The following ASXL2 variants were observed in gnomAD, a reference collection of about 807,000 sequenced individuals.
ASXL2 encodes putative Polycomb group protein ASXL2.
In ASXL2, 23 loss-of-function variants were observed where a neutral mutation model predicts 122.0. The ratio of observed to expected loss-of-function variants is 0.19; its 90% confidence interval spans 0.14 to 0.27. The LOEUF is 0.27. Among genes scored for constraint, ASXL2 ranks in the 10% least tolerant of loss-of-function variants. The pLI is 1.00. For synonymous variants in ASXL2, 650 were observed against 637.0 expected (o/e 1.02, Z -0.31); for missense variants, 1,518 against 1,713.8 (o/e 0.89, Z 2.02).
chr2:25,829,609 T>C (rs1248701268), intron 3 of ASXL2, among the ~76,000 whole-genome samples: 2 of 152,246 alleles, frequency 1.3e-5, no homozygotes, highest in African/African-American at 4.8e-5. Flanking sequence ...GCCATTTATA[T>C]TGAGATTCAG....
At chr2:25,847,048 T>C (rs2089658083) in intron 1 of ASXL2, among the ~76,000 whole-genome samples, 1 of 152,236 alleles carries the variant, frequency 6.6e-6, no homozygotes, top group South Asian at 2.1e-4. Context: ...TTCATGTATG[T>C]TTTATTTTGT....
chr2:25,822,348 C>G (rs993786051), intron 3 of ASXL2: 3 of 172,882 alleles, frequency 1.7e-5, no homozygotes, highest in African/African-American at 7.2e-5. Context: ...CTGAGGGAAG[C>G]GAGAAGAGGC....
intron 5 of ASXL2, among the ~76,000 whole-genome samples, chr2:25,785,397 T>C (rs1486537789): frequency 6.6e-6 from 1 of 151,812 alleles, no homozygotes; most frequent in Admixed American, 6.6e-5. Flanking sequence ...GCCGATTTCT[T>C]TATTTTTAGT....
intron 1 of ASXL2, among the ~76,000 whole-genome samples, chr2:25,871,745 C>T (rs2089963676): frequency 6.6e-6 from 1 of 152,134 alleles, no homozygotes; most frequent in African/African-American, 2.4e-5. Flanking sequence ...GCATGCGCCA[C>T]CCACACCTGG....
Position 25,767,696 on chromosome 2 carries a change from T to C in ASXL2, c.662A>G (p.Gln221Arg), listed in dbSNP as rs774494903. Residue 221 changes from glutamine to arginine, a missense_variant, in exon 8 of 13, where the codon CAG (glutamine) becomes CGG (arginine). Gln to Arg is a conservative substitution (Grantham distance 43). This residue lies in a region of ASXL2 where 198 missense variants were observed against 209.0 expected (regional missense o/e 0.95). Coordinates refer to ENST00000435504, the MANE Select transcript of ASXL2 (RefSeq NM_018263.6). ...ATWEGKQSDG[Q>R]TGSPQNSNSS... ...GTTTGAGTTTTGAGGGCTGCCTGTC[T>C]GTCCATCAGATTGCTTTCCTTCCCA... is the stretch of plus-strand genomic sequence containing the variant. 13 of 1,613,850 alleles carry C rather than the reference T, an allele frequency of 8.1e-6. No homozygotes were observed. In the African/African-American group the frequency reaches 1.3e-4, roughly 17 times the overall value.
chr2:25,861,937 T>G (rs760452191), intron 1 of ASXL2, among the ~76,000 whole-genome samples: 1 of 152,174 alleles, frequency 6.6e-6, no homozygotes, highest in Non-Finnish European at 1.5e-5. Flanking sequence ...GCAGGCAGAC[T>G]GGGGAAGATC....
intron 10 of ASXL2, among the ~76,000 whole-genome samples, chr2:25,755,318 A>G (rs72799651): frequency 0.042 from 6,463 of 152,276 alleles, 213 homozygotes; most frequent in African/African-American, 0.08. Flanking sequence ...AGTATTTTTA[A>G]AAACACCACA....
intron 2 of ASXL2, among the ~76,000 whole-genome samples, chr2:25,838,986 G>C (rs756946090): frequency 3.9e-5 from 6 of 152,098 alleles, no homozygotes; most frequent in Non-Finnish European, 8.8e-5. Flanking sequence ...CAACACATGA[G>C]CTGTAATAAT....
chr2:25,750,532 T>G lies in ASXL2; in HGVS notation c.1143-119A>C, dbSNP rs1260789112. ...GGAGAACCCCTGACACAGCAGGTAT[T>G]CATGTATTATCTTCACTATTAGTAG... On this transcript the variant is annotated intron_variant, in intron 11 of 12. Coordinates refer to ENST00000435504, the MANE Select transcript of ASXL2 (RefSeq NM_018263.6). 8 of 874,272 alleles carry G rather than the reference T, an allele frequency of 9.2e-6. No individual in the cohort carries two copies. In the East Asian group the frequency reaches 1.7e-4, roughly 19 times the overall value. The allele number at this position is 874,272 out of a possible 1,614,324, so 54.2% of individuals were successfully genotyped here.
At chr2:25,790,181 T>G (rs2088809468) in intron 5 of ASXL2, among the ~76,000 whole-genome samples, 1 of 152,048 alleles carries the variant, frequency 6.6e-6, no homozygotes, top group South Asian at 2.1e-4. Context: ...AACATTTAGG[T>G]ACTTTCATAG....
At chr2:25,837,830 G>C (rs565782213) in intron 2 of ASXL2, among the ~76,000 whole-genome samples, 7 of 151,170 alleles carry the variant, frequency 4.6e-5, no homozygotes, top group Admixed American at 1.3e-4. Flanking sequence ...ACAAAACCAA[G>C]AGGCGGCCAG....
chr2:25,781,342 T>C (rs1248773483), intron 5 of ASXL2, among the ~76,000 whole-genome samples: 3 of 152,144 alleles, frequency 2.0e-5, no homozygotes, highest in Admixed American at 6.5e-5. Context: ...GAGGTTGCAG[T>C]GAGCCGTGAT....
intron 4 of ASXL2, among the ~76,000 whole-genome samples, chr2:25,805,264 A>G (rs981648003): frequency 1.3e-5 from 2 of 152,216 alleles, no homozygotes; most frequent in Non-Finnish European, 2.9e-5. Flanking sequence ...TAAAATGAGA[A>G]TGTAATGTAA....
At chr2:25,785,181 C>A (rs2088717372) in intron 5 of ASXL2, among the ~76,000 whole-genome samples, 1 of 152,032 alleles carries the variant, frequency 6.6e-6, no homozygotes, top group Non-Finnish European at 1.5e-5. Context: ...ACATTTCAGC[C>A]CAGGTTTCTA....
At chr2:25,791,174 T>C (rs1441627334) in intron 5 of ASXL2, among the ~76,000 whole-genome samples, 1 of 151,950 alleles carries the variant, frequency 6.6e-6, no homozygotes, top group African/African-American at 2.4e-5. Flanking sequence ...CTCTCTCTTA[T>C]CTATACCTTA....
At chr2:25,781,615 G>C (rs184109757) in intron 5 of ASXL2, among the ~76,000 whole-genome samples, 3 of 148,724 alleles carry the variant, frequency 2.0e-5, no homozygotes, top group Admixed American at 2.0e-4. Context: ...TGAATTCCTG[G>C]GCTCAAGGTA....
intron 5 of ASXL2, among the ~76,000 whole-genome samples, chr2:25,785,413 T>C (rs1045942897): frequency 1.3e-5 from 2 of 152,060 alleles, no homozygotes; most frequent in African/African-American, 4.8e-5. Flanking sequence ...TTAGTAGAGA[T>C]GGGGTTTCAC....
rs372407443 is a variant in ASXL2 at position 25,771,547 on chromosome 2, A to G, written c.404-7T>C. 22 of 1,265,904 alleles carry G rather than the reference A, an allele frequency of 1.7e-5. No individual in the cohort carries two copies. Among genetic ancestry groups the G allele is most frequent in the South Asian group, 3.9e-5 (3 of 76,100 alleles). The allele number at this position is 1,265,904 out of a possible 1,614,324, so 78.4% of individuals were successfully genotyped here. On this transcript the variant is annotated splice_polypyrimidine_tract_variant and splice_region_variant and intron_variant, in intron 5 of 12. Coordinates refer to ENST00000435504, the MANE Select transcript of ASXL2 (RefSeq NM_018263.6). ...TGCGGGGAGGACGACGATACTAGGGAAAAAAAAGTGACAATAAAAGATTTT... is the reference window on the plus strand; with the variant it reads ...TGCGGGGAGGACGACGATACTAGGGGAAAAAAAGTGACAATAAAAGATTTT...
At chr2:25,761,470 C>T (rs748386389) in intron 8 of ASXL2, among the ~76,000 whole-genome samples, 4 of 151,926 alleles carry the variant, frequency 2.6e-5, no homozygotes, top group Admixed American at 1.3e-4. Context: ...GTCAGGAGAT[C>T]GAGACCATCC....
Sources: allele counts gnomAD v4.1 joint callset (sites outside exome capture counted in the v4.1 genomes callset), GRCh38; gene constraint gnomAD v4.1.1; regional missense constraint gnomAD v4.1.1; transcripts MANE v1.5; gene names NCBI Gene and HGNC (gene_info 2026-07-23, HGNC 2026-07-21).